The following EVI5 variants were observed in gnomAD, a reference collection of about 807,000 sequenced individuals.
EVI5 encodes the protein ecotropic viral integration site 5, also known as ecotropic viral integration site 5 protein homolog.
In EVI5, 73 loss-of-function variants were observed where a neutral mutation model predicts 112.0. That is an observed-to-expected ratio of 0.65 (90% CI 0.54 to 0.79). The LOEUF (loss-of-function observed/expected upper bound fraction) is 0.79, where lower values mean the gene tolerates loss of function less well. Ranked by LOEUF, EVI5 falls within the 30% of genes least tolerant of loss-of-function variation. The pLI is 0.00. For missense variants in EVI5, 900 were observed against 968.8 expected (o/e 0.93, Z 0.94); for synonymous variants, 305 against 319.9 (o/e 0.95, Z 0.50).
chr1:92,676,611 AT>A (rs1666791187), intron 10 of EVI5, among the ~76,000 whole-genome samples: 1 of 152,070 alleles, frequency 6.6e-6, no homozygotes, highest in East Asian at 1.9e-4. Context: ...GGGGGTACAA[AT>A]TTTATATTTT....
intron 16 of EVI5, among the ~76,000 whole-genome samples, chr1:92,610,673 G>C (rs1018249782): frequency 1.8e-4 from 27 of 152,194 alleles, no homozygotes; most frequent in Admixed American, 1.6e-3. Context: ...TCAATGAATG[G>C]GTTAGATTGG....
chr1:92,550,811 T>TATATAA, intron 19 of EVI5, among the ~76,000 whole-genome samples: 1 of 94,572 alleles, frequency 1.1e-5, no homozygotes, highest in South Asian at 3.5e-4. Context: ...TATATATATA[T>TATATAA]ATAACAAAAA....
At chr1:92,563,770 A>G (rs201941226) in intron 18 of EVI5, 33 bp from the exon 19 acceptor site, 1 of 1,423,158 alleles carries the variant, frequency 7.0e-7, no homozygotes, top group East Asian at 2.3e-5. Flanking sequence ...AGCAAAAACA[A>G]GAGGCAATTT....
rs751176268 is a variant in EVI5, at chr1:92,694,305, C to T, written c.993G>A (p.Met331Ile). The T allele has an allele frequency of 7.1e-6, 11 of 1,541,238 alleles. 1 individual carries two copies. The South Asian group carries it at 1.0e-4, about 15-fold the overall frequency. Reference protein sequence around the residue: ...AELMQLDMEGMLQHFQKVIPH... With the variant: ...AELMQLDMEGILQHFQKVIPH... The stretch of plus-strand genomic sequence containing the variant: ...AAATAAATTATGAACTTACCTGTAA[C>T]ATCCCTTCCATGTCAAGTTGCATCA... Residue 331 changes from methionine (M) to isoleucine (I), a missense_variant, in exon 8 of 20, where the codon ATG (methionine) becomes ATA (isoleucine). Met to Ile is a conservative substitution (Grantham distance 10). Coordinates refer to ENST00000684568, the MANE Select transcript of EVI5 (RefSeq NM_001350197.2).
Position 92,577,906 on chromosome 1 carries a change from CTTTGTTGTTGTTTT to C in EVI5, c.2071-14183_2071-14170del, listed in dbSNP as rs1671325836. Among the ~76,000 whole-genome samples, 3 of 152,092 alleles carry C rather than the reference CTTTGTTGTTGTTTT, an allele frequency of 2.0e-5. No homozygotes were observed. The South Asian group carries it at 6.2e-4, about 32-fold the overall frequency. On this transcript the variant is annotated intron_variant, in intron 18 of 19. Transcript: ENST00000684568. The stretch of plus-strand genomic sequence containing the variant: ...TTTTAGACCCATTTTTGCTTTCTGG[CTTTGTTGTTGTTTT>C]TTTGTTTGTTTTGGATACCATAAAC...
At chr1:92,565,474 G>GT (rs1465645592) in intron 18 of EVI5, among the ~76,000 whole-genome samples, 1 of 152,028 alleles carries the variant, frequency 6.6e-6, no homozygotes, top group African/African-American at 2.4e-5. Flanking sequence ...GGTTTAAAAC[G>GT]TGTCTTACAA....
rs61802399 is a variant in EVI5 at position 92,630,061 on chromosome 1, C to T, written c.1528-4127G>A. On this transcript the variant is annotated intron_variant, in intron 14 of 19. Coordinates refer to ENST00000684568, the MANE Select transcript of EVI5 (RefSeq NM_001350197.2). The stretch of plus-strand genomic sequence containing the variant: ...ATGTGCCACATTTTCTTAATCCAGT[C>T]TATCATTGTTGGACATTTGGATTGG... 6.0e-3 allele frequency among the ~76,000 whole-genome samples: 917 copies of T among 152,264 alleles called. 6 individuals are homozygous for T. The highest frequency in any genetic ancestry group is 8.9e-3 in the Non-Finnish European group (605 of 68,032).
intron 14 of EVI5, among the ~76,000 whole-genome samples, chr1:92,630,758 A>G (rs1463353375): frequency 1.3e-5 from 2 of 152,174 alleles, no homozygotes; most frequent in African/African-American, 4.8e-5. Flanking sequence ...CTATGTCCTA[A>G]ATGATACTGC....
At chr1:92,630,373 G>A (rs1656738423) in intron 14 of EVI5, among the ~76,000 whole-genome samples, 1 of 152,208 alleles carries the variant, frequency 6.6e-6, no homozygotes, top group South Asian at 2.1e-4. Context: ...ACTGGTATGA[G>A]ATGGTATCTC....
intron 9 of EVI5, among the ~76,000 whole-genome samples, chr1:92,686,665 T>A (rs1668582427): frequency 1.3e-5 from 2 of 152,188 alleles, no homozygotes; most frequent in Admixed American, 1.3e-4. Context: ...CAGTGCAAAA[T>A]CTCCTTAAGC....
At chr1:92,659,766 T>A (rs1352728607) in intron 13 of EVI5, among the ~76,000 whole-genome samples, 3 of 151,944 alleles carry the variant, frequency 2.0e-5, no homozygotes, top group African/African-American at 7.2e-5. Context: ...AATCATTATA[T>A]CAAAGATACC....
chr1:92,788,291 G>A (rs1026555153), upstream of EVI5, among the ~76,000 whole-genome samples: 1 of 151,454 alleles, frequency 6.6e-6, no homozygotes, highest in Non-Finnish European at 1.5e-5. Context: ...ACAACACAGT[G>A]AAACCCCATC....
intron 19 of EVI5, among the ~76,000 whole-genome samples, chr1:92,549,602 G>A (rs1666431702): frequency 6.6e-6 from 1 of 151,922 alleles, no homozygotes; most frequent in African/African-American, 2.4e-5. Flanking sequence ...CTACTCATCT[G>A]ACAAAGGGCT....
intron 13 of EVI5, among the ~76,000 whole-genome samples, chr1:92,646,662 G>C (rs1450930041): frequency 2.0e-5 from 3 of 152,172 alleles, no homozygotes; most frequent in Non-Finnish European, 4.4e-5. Flanking sequence ...TTGATAACAG[G>C]ATTTCTAGCC....
intron 13 of EVI5, among the ~76,000 whole-genome samples, chr1:92,661,837 T>C (rs1664068584): frequency 6.6e-6 from 1 of 152,198 alleles, no homozygotes; most frequent in African/African-American, 2.4e-5. Flanking sequence ...TCACTCTATT[T>C]GCCTTCCAGA....
chr1:92,731,156 T>C (rs750695705), intron 2 of EVI5, among the ~76,000 whole-genome samples: 1 of 151,972 alleles, frequency 6.6e-6, no homozygotes, highest in Non-Finnish European at 1.5e-5. Context: ...AAACCCCATC[T>C]CTACTAAAAA....
intron 9 of EVI5, among the ~76,000 whole-genome samples, chr1:92,680,318 A>C (rs1667386351): frequency 1.3e-5 from 2 of 152,194 alleles, no homozygotes. Context: ...GGAAATTCCC[A>C]AAGAATAATG....
At chr1:92,692,232 T>C (rs1669601327) in intron 9 of EVI5, among the ~76,000 whole-genome samples, 1 of 152,174 alleles carries the variant, frequency 6.6e-6, no homozygotes, top group African/African-American at 2.4e-5. Flanking sequence ...CAGAAATGGA[T>C]TGTACATATG....
chr1:92,537,597 C>T (rs1664104881), intron 19 of EVI5, among the ~76,000 whole-genome samples: 1 of 151,776 alleles, frequency 6.6e-6, no homozygotes, highest in Non-Finnish European at 1.5e-5. Context: ...AAAATTTATT[C>T]TCAATTATCA....
Sources: allele counts gnomAD v4.1 joint callset (sites outside exome capture counted in the v4.1 genomes callset), GRCh38; gene constraint gnomAD v4.1.1; transcripts MANE v1.5; gene names NCBI Gene and HGNC (gene_info 2026-07-23, HGNC 2026-07-21).